Variants in UBR1 observed in about 807,000 individuals in gnomAD.
UBR1 encodes the protein E3 ubiquitin-protein ligase UBR1.
In UBR1, 102 loss-of-function variants were observed where a neutral mutation model predicts 242.1. The ratio of observed to expected loss-of-function variants is 0.42; its 90% CI spans 0.36 to 0.50. The LOEUF is 0.50. UBR1 is among the 20% of genes least tolerant of loss of function. The pLI, the probability that UBR1 is intolerant of heterozygous loss-of-function variation, is 0.01. For synonymous variants in UBR1, 675 were observed against 684.8 expected, an observed-to-expected ratio of 0.99 and a Z score of 0.22; for missense variants, 1,772 against 2,101.8, an observed-to-expected ratio of 0.84 and a Z score of 3.07.
intron 28 of UBR1, 28 bp from the exon 29 acceptor site, chr15:43,015,897 G>GT: frequency 6.2e-7 from 1 of 1,606,260 alleles, no homozygotes; most frequent in Non-Finnish European, 8.5e-7. Flanking sequence ...ACAAATTTAG[G>GT]TAAGATCCAC....
At position 43,086,186 on chromosome 15, in the gene UBR1, A is replaced by C; in HGVS notation, c.136T>G (p.Leu46Val). 6.2e-7 allele frequency: 1 copy of C among 1,614,018 alleles called. No homozygotes were observed. The highest frequency in any genetic ancestry group is 8.5e-7 in the Non-Finnish European group (1 of 1,179,954). The change falls in exon 2 of 47, where the codon TTG (leucine) becomes GTG (valine). Residue 46 changes from leucine to valine, a missense_variant. By Grantham distance (32) the Leu-to-Val change is conservative (BLOSUM62 1). Around this residue, in one of 3 missense-constraint regions of UBR1, gnomAD observed 734 missense variants for 893.3 expected, o/e 0.82. Transcript: ENST00000290650. ...TCAGCAAAGTAAATTTCTGGCACCA[A>C]TTGTGCCAAATGATGCAAGAAAGCA... Reference protein sequence around the residue: ...YTAFLHHLAQLVPEIYFAEMD... With the variant: ...YTAFLHHLAQVVPEIYFAEMD...
Position 42,960,721 on chromosome 15 carries a change from A to T in UBR1, c.4701-20T>A. On this transcript the variant is annotated intron_variant, in intron 42 of 46. Transcript: ENST00000290650. Reference sequence around the variant, plus strand: ...CACCACCTGTATGTGGAGCCAAGAGAAAAGACAAATGGATTATCACAGCTT... The same window carrying T: ...CACCACCTGTATGTGGAGCCAAGAGTAAAGACAAATGGATTATCACAGCTT... 1 of 1,613,106 alleles carries T rather than the reference A, an allele frequency of 6.2e-7. No individual in the cohort carries two copies. Among genetic ancestry groups the T allele is most frequent in the Middle Eastern group, 1.7e-4 (1 of 6,060 alleles).
In UBR1 at chr15:43,052,756, G is replaced by A. The variant is rs184090912; in HGVS notation, c.1439+1986C>T. ...GAGAGACTGAGAAAGCAATTAACAC[G>A]AATTATTTGCTAAATAAAGAGTTTT... On this transcript the variant is annotated intron_variant, in intron 12 of 46. Transcript: ENST00000290650. Among the ~76,000 whole-genome samples the A allele has an allele frequency of 7.7e-4, 117 of 152,274 alleles. 1 individual carries two copies. Among genetic ancestry groups the A allele is most frequent in the Admixed American group, 1.1e-3 (17 of 15,292 alleles).
intron 42 of UBR1, 115 bp from the exon 43 acceptor site, chr15:42,960,816 T>G: frequency 9.5e-7 from 1 of 1,048,084 alleles, no homozygotes; most frequent in Non-Finnish European, 1.4e-6. Context: ...TCGCCCAGGC[T>G]GGAGTACAGT....
chr15:42,945,153 A>G lies in UBR1; in HGVS notation c.*176T>C. The G allele has an allele frequency of 1.3e-6, 1 of 779,908 alleles. No individual in the cohort carries two copies. Among genetic ancestry groups the G allele is most frequent in the Non-Finnish European group, 2.1e-6 (1 of 480,118 alleles). The allele number at this position is 779,908 out of a possible 1,614,324, so 48.3% of individuals were successfully genotyped here. A position where few individuals can be genotyped will look rare whatever the true frequency, so the allele number is the denominator to read the frequency against. Reference sequence around the variant, plus strand: ...TATGTCCTTTTTTCCTGTGAAGCATATGTTTGCTAATTGAAAGCAATACTC... The same window carrying G: ...TATGTCCTTTTTTCCTGTGAAGCATGTGTTTGCTAATTGAAAGCAATACTC... On this transcript the variant is annotated 3_prime_UTR_variant, in exon 47 of 47. Transcript: ENST00000290650.
At chr15:42,980,483 G>A (rs533792950) in intron 37 of UBR1, among the ~76,000 whole-genome samples, 2 of 152,202 alleles carry the variant, frequency 1.3e-5, no homozygotes, top group African/African-American at 4.8e-5. Flanking sequence ...CTCGTAAATC[G>A]GGAGAATAAT....
rs148957085 is a variant in UBR1, at chr15:43,037,237, A to C, written c.2022+536T>G. Among the ~76,000 whole-genome samples, 823 of 151,962 alleles carry C rather than the reference A, an allele frequency of 5.4e-3. 9 individuals are homozygous for C. The highest frequency in any genetic ancestry group is 0.019 in the African/African-American group (783 of 41,450). ...GTGGTGTATGTCTGTAGTCCCAGCTACTGGGGAGGCTGAGGCACGAAAATC... is the reference window on the plus strand; with the variant it reads ...GTGGTGTATGTCTGTAGTCCCAGCTCCTGGGGAGGCTGAGGCACGAAAATC... On this transcript the variant is annotated intron_variant, in intron 17 of 46. Transcript: ENST00000290650.
At chr15:42,957,942 A>G in intron 44 of UBR1, 71 bp downstream of exon 44, 1 of 1,268,994 alleles carries the variant, frequency 7.9e-7, no homozygotes, top group Non-Finnish European at 1.1e-6. Flanking sequence ...TGTGTTAGTT[A>G]TGGCATATAC....
At chr15:42,990,244 G>C in intron 33 of UBR1, 124 bp from the exon 34 acceptor site, 1 of 717,556 alleles carries the variant, frequency 1.4e-6, no homozygotes, top group Non-Finnish European at 2.4e-6. Flanking sequence ...GAGCACAGTG[G>C]CATGATCATC....
intron 8 of UBR1, 139 bp from the exon 9 acceptor site, chr15:43,059,331 C>T (rs2033654816): frequency 1.3e-6 from 1 of 758,622 alleles, no homozygotes; most frequent in Non-Finnish European, 2.3e-6. Context: ...TCTCACAGTG[C>T]TGGCATTACA....
At chr15:42,972,471 C>T (rs1158075494) in intron 39 of UBR1, among the ~76,000 whole-genome samples, 10 of 151,952 alleles carry the variant, frequency 6.6e-5, no homozygotes, top group African/African-American at 9.7e-5. Context: ...TGGGTTCCAG[C>T]GATTCTCCTG....
chr15:42,975,864 G>A (rs1167593004), intron 39 of UBR1, among the ~76,000 whole-genome samples: 1 of 151,960 alleles, frequency 6.6e-6, no homozygotes, highest in Admixed American at 6.6e-5. Flanking sequence ...CAGGCACGCA[G>A]CAGCATGCCC....
At chr15:43,085,000 A>G (rs969235753) in intron 2 of UBR1, among the ~76,000 whole-genome samples, 28 of 152,246 alleles carry the variant, frequency 1.8e-4, no homozygotes, top group Non-Finnish European at 3.4e-4. Flanking sequence ...AGTTTAAGGC[A>G]CTGCTCTCAC....
At chr15:43,032,702 C>G (rs1405760788) in intron 19 of UBR1, 71 bp from the exon 20 acceptor site, 1 of 930,106 alleles carries the variant, frequency 1.1e-6, no homozygotes, top group Non-Finnish European at 1.7e-6. Context: ...CATTTCTGGA[C>G]GAGACTCATG....
intron 36 of UBR1, 94 bp from the exon 37 acceptor site, chr15:42,984,087 G>C (rs544857687): frequency 4.4e-5 from 37 of 845,248 alleles, no homozygotes; most frequent in Middle Eastern, 4.4e-4. Flanking sequence ...ACTCTAGTTT[G>C]TCGGAATTAG....
rs1188339117 is a variant in UBR1, at chr15:43,037,879, T to C, written c.1916A>G (p.Asp639Gly). The C allele has an allele frequency of 6.2e-7, 1 of 1,613,088 alleles. No homozygotes were observed. The highest frequency in any genetic ancestry group is 1.3e-5 in the African/African-American group (1 of 74,900). Residue 639 changes from aspartate to glycine, a missense_variant, in exon 17 of 47, where the codon GAC becomes GGC. Asp to Gly is a moderately conservative substitution (Grantham distance 94). This residue lies in a region of UBR1 where 734 missense variants were observed against 893.3 expected (regional missense o/e 0.82). Coordinates refer to ENST00000290650, the MANE Select transcript of UBR1 (RefSeq NM_174916.3). Reference sequence around the variant, plus strand: ...TTCCACTAGTACCTCTACTTGAAAGTCCTCCTGAAATAGAGTGAGTTCAAT... The same window carrying C: ...TTCCACTAGTACCTCTACTTGAAAGCCCTCCTGAAATAGAGTGAGTTCAAT... ...SRLHEFVSFE[D>G]FQVEVLVEYP... is the part of the protein sequence containing the mutation.
intron 30 of UBR1, among the ~76,000 whole-genome samples, chr15:43,005,146 C>A (rs926545397): frequency 2.0e-5 from 3 of 151,828 alleles, no homozygotes; most frequent in African/African-American, 7.3e-5. Context: ...GCCCGGCAGC[C>A]ACCCCATCTG....
chr15:43,089,912 G>GAT (rs2034087931), intron 1 of UBR1, among the ~76,000 whole-genome samples: 1 of 152,228 alleles, frequency 6.6e-6, no homozygotes, highest in Admixed American at 6.5e-5. Flanking sequence ...AGACGAGAGA[G>GAT]ATAACTAAAT....
At chr15:43,054,034 C>CTTTT (rs2033587346) in intron 12 of UBR1, among the ~76,000 whole-genome samples, 1 of 152,072 alleles carries the variant, frequency 6.6e-6, no homozygotes, top group African/African-American at 2.4e-5. Flanking sequence ...GGAGGATCAA[C>CTTTT]TGTATAGCAA....
Sources: allele counts gnomAD v4.1 joint callset (sites outside exome capture counted in the v4.1 genomes callset), GRCh38; gene constraint gnomAD v4.1.1; regional missense constraint gnomAD v4.1.1; transcripts MANE v1.5; gene names NCBI Gene and HGNC (gene_info 2026-07-23, HGNC 2026-07-21).